Variants in FEZ2 observed in about 807,000 individuals in gnomAD.
FEZ2 encodes fasciculation and elongation protein zeta 2.
A neutral mutation model predicts 40.4 loss-of-function variants in FEZ2; 51 were observed. That is an observed-to-expected ratio of 1.26 (90% CI 1.01 to 1.59). FEZ2 has a LOEUF of 1.59. Among genes scored for constraint, FEZ2 ranks in the 40% most tolerant of loss-of-function variants. The pLI is 0.00. For synonymous variants in FEZ2, 242 were observed against 172.0 expected, an observed-to-expected ratio of 1.41 and a Z score of -3.18; for missense variants, 640 against 438.3, an observed-to-expected ratio of 1.46 and a Z score of -4.11.
At chr2:36,570,192 A>C (rs1262314597) in intron 5 of FEZ2, among the ~76,000 whole-genome samples, 1 of 152,074 alleles carries the variant, frequency 6.6e-6, no homozygotes, top group Non-Finnish European at 1.5e-5. Context: ...ATTATAAAGC[A>C]GTTATAAAAG....
Position 36,552,509 on chromosome 2 carries a change from C to A in FEZ2, c.*654G>T. ...CACATGAAGCAGAACATTTGAAAAT[C>A]AAAACTTAAATACAAGATTCTAAAA... On this transcript the variant is annotated 3_prime_UTR_variant, in exon 8 of 8. Transcript: ENST00000405912. The A allele has an allele frequency of 4.4e-6, 1 of 225,088 alleles. No individual in the cohort carries two copies. The highest frequency in any genetic ancestry group is 8.8e-6 in the Non-Finnish European group (1 of 113,334). 13.9% of individuals were successfully genotyped at this position (225,088 alleles called of 1,614,324 possible).
chr2:36,578,564 A>C (rs1668641310), intron 5 of FEZ2, 33 bp downstream of exon 5: 8 of 1,586,870 alleles, frequency 5.0e-6, no homozygotes, highest in Non-Finnish European at 6.8e-6. Flanking sequence ...ACCTGTTTCC[A>C]GTGTTCGACG....
chr2:36,560,136 TC>T (rs1331718001), intron 5 of FEZ2, among the ~76,000 whole-genome samples: 1 of 152,230 alleles, frequency 6.6e-6, no homozygotes, highest in Non-Finnish European at 1.5e-5. Flanking sequence ...TGTGAATGTT[TC>T]CCATGTTCAT....
intron 1 of FEZ2, among the ~76,000 whole-genome samples, chr2:36,593,042 G>C (rs1165256154): frequency 6.6e-6 from 1 of 152,110 alleles, no homozygotes; most frequent in Non-Finnish European, 1.5e-5. Flanking sequence ...AAACTTGCTG[G>C]GTTTCTGGCT....
chr2:36,587,467 C>T (rs1355206019), intron 2 of FEZ2, among the ~76,000 whole-genome samples: 1 of 152,268 alleles, frequency 6.6e-6, no homozygotes, highest in South Asian at 2.1e-4. Context: ...ACTGAAGATA[C>T]ATCAAATGGA....
At chr2:36,564,501 C>T (rs1436747488) in intron 5 of FEZ2, among the ~76,000 whole-genome samples, 1 of 152,158 alleles carries the variant, frequency 6.6e-6, no homozygotes, top group Non-Finnish European at 1.5e-5. Context: ...CCTGACCTTA[C>T]ATTCCAGCAT....
At chr2:36,553,809 C>T (rs3770809) in intron 7 of FEZ2, among the ~76,000 whole-genome samples, 12 of 151,910 alleles carry the variant, frequency 7.9e-5, no homozygotes, top group African/African-American at 1.5e-4. Context: ...AAAACAACAA[C>T]AAACCACCCA....
At chr2:36,570,533 A>T (rs779961724) in intron 5 of FEZ2, among the ~76,000 whole-genome samples, 61 of 152,210 alleles carry the variant, frequency 4.0e-4, no homozygotes, top group Non-Finnish European at 7.3e-4. Flanking sequence ...CTGAAACATA[A>T]ATACTCTAAG....
chr2:36,586,444 G>T (rs1479282687), intron 2 of FEZ2, among the ~76,000 whole-genome samples: 1 of 152,074 alleles, frequency 6.6e-6, no homozygotes, highest in African/African-American at 2.4e-5. Flanking sequence ...AGAACAGCCT[G>T]GGAAACATGG....
At chr2:36,588,363 C>T (rs1376112227) in intron 2 of FEZ2, among the ~76,000 whole-genome samples, 2 of 152,150 alleles carry the variant, frequency 1.3e-5, no homozygotes, top group Non-Finnish European at 2.9e-5. Flanking sequence ...TAGCATTAAA[C>T]TCTACGTCAT....
rs1208960380 is a variant in FEZ2 at position 36,552,363 on chromosome 2, C to G, written c.*800G>C. The G allele has an allele frequency of 5.4e-6, 2 of 373,148 alleles. No homozygotes were observed. The highest frequency in any genetic ancestry group is 1.0e-5 in the Non-Finnish European group (2 of 193,318). The allele number at this position is 373,148 out of a possible 1,614,324, so 23.1% of individuals were successfully genotyped here. On this transcript the variant is annotated 3_prime_UTR_variant, in exon 8 of 8. Coordinates refer to ENST00000405912, the MANE Select transcript of FEZ2 (RefSeq NM_005102.3). The stretch of plus-strand genomic sequence containing the variant: ...TAAGTAGCTGTATCTAGAATTCATA[C>G]TTAAGAAAAACACACAGGCATGAAT...
chr2:36,557,235 TC>T (rs1454303103), intron 6 of FEZ2: 1 of 152,156 alleles, frequency 6.6e-6, no homozygotes, highest in Non-Finnish European at 1.5e-5. Flanking sequence ...TAACTAACCA[TC>T]CCCCTGTGTG....
chr2:36,552,667 T>G lies in FEZ2; in HGVS notation c.*496A>C, dbSNP rs1005295059. The G allele has an allele frequency of 8.0e-5, 16 of 198,964 alleles. No individual in the cohort carries two copies. Among genetic ancestry groups the G allele is most frequent in the Admixed American group, 5.9e-4 (11 of 18,620 alleles). 12.3% of individuals were successfully genotyped at this position (198,964 alleles called of 1,614,324 possible). On this transcript the variant is annotated 3_prime_UTR_variant, in exon 8 of 8. Coordinates refer to ENST00000405912, the MANE Select transcript of FEZ2 (RefSeq NM_005102.3). The stretch of plus-strand genomic sequence containing the variant: ...AAGTAATGCATATTCTGGTTTTGCT[T>G]CTTCAAGAACAGCCCGTTTATTCTG...
intron 5 of FEZ2, among the ~76,000 whole-genome samples, chr2:36,575,452 G>T (rs562366199): frequency 6.6e-6 from 1 of 152,090 alleles, no homozygotes; most frequent in Non-Finnish European, 1.5e-5. Flanking sequence ...GCCTCTCAAA[G>T]TCCTAGAATT....
chr2:36,596,339 G>C (rs545010535), intron 1 of FEZ2, among the ~76,000 whole-genome samples: 1 of 152,286 alleles, frequency 6.6e-6, no homozygotes, highest in Non-Finnish European at 1.5e-5. Context: ...CAAAGGAAAG[G>C]AGACAATCAG....
At position 36,578,878 on chromosome 2, in the gene FEZ2, G is replaced by A. The variant is rs2072534; in HGVS notation, c.635-13C>T. On this transcript the variant is annotated splice_polypyrimidine_tract_variant and intron_variant, in intron 4 of 7. Coordinates refer to ENST00000405912, the MANE Select transcript of FEZ2 (RefSeq NM_005102.3). ...AGCCTTTTCACTCCTGTGACCAAAA[G>A]CAAAATACAGCAGATATTAAGACAA... 608,514 of 1,593,138 alleles carry A rather than the reference G, an allele frequency of 0.38. 120,003 individuals carry two copies. The highest frequency in any genetic ancestry group is 0.63 in the East Asian group (28,298 of 44,660).
chr2:36,587,673 T>A (rs1668940227), intron 2 of FEZ2, among the ~76,000 whole-genome samples: 2 of 152,136 alleles, frequency 1.3e-5, no homozygotes, highest in African/African-American at 2.4e-5. Context: ...AAAATTTCTA[T>A]ACACTTGGTT....
At chr2:36,555,895 G>T in intron 6 of FEZ2, 147 bp from the exon 7 acceptor site, 5 of 669,972 alleles carry the variant, frequency 7.5e-6, no homozygotes, top group South Asian at 1.7e-5. Flanking sequence ...CTGATAAGGG[G>T]ATACAACAAT....
At chr2:36,554,244 T>A (rs1237569897) in intron 7 of FEZ2, 1 of 471,034 alleles carries the variant, frequency 2.1e-6, no homozygotes, top group Non-Finnish European at 4.4e-6. Context: ...GCGGTATAGG[T>A]AGGTTCACAA....
Sources: allele counts gnomAD v4.1 joint callset (sites outside exome capture counted in the v4.1 genomes callset), GRCh38; gene constraint gnomAD v4.1.1; transcripts MANE v1.5; gene names NCBI Gene and HGNC (gene_info 2026-07-23, HGNC 2026-07-21).